ANKRD27: variants seen among roughly 807,000 people sequenced by gnomAD.
ANKRD27 encodes ankyrin repeat domain 27, also known as ankyrin repeat domain-containing protein 27.
ANKRD27 carries 112 observed loss-of-function variants against 129.7 expected under a neutral mutation model. The ratio of observed to expected loss-of-function variants is 0.86; its 90% confidence interval spans 0.74 to 1.01. The LOEUF is 1.01. Among genes scored for constraint, ANKRD27 ranks in the 50% least tolerant of loss-of-function variants. ANKRD27 has a pLI of 0.00. For missense variants in ANKRD27, 1,258 were observed against 1,300.5 expected, an observed-to-expected ratio of 0.97 and a Z score of 0.50; for synonymous variants, 516 against 511.2, an observed-to-expected ratio of 1.01 and a Z score of -0.13.
At position 32,643,192 on chromosome 19, in the gene ANKRD27, G is replaced by T. The variant is rs1306700234; in HGVS notation, c.713C>A (p.Ala238Asp). ...VGTMEASEDA[A>D]FNKITRSLQD... Reference sequence around the variant, plus strand: ...AAGGCTTCTTGTGATTTTGTTAAAGGCCGCATCCTAACAACAGATTTTAAC... The same window carrying T: ...AAGGCTTCTTGTGATTTTGTTAAAGTCCGCATCCTAACAACAGATTTTAAC... The change falls in exon 9 of 29, where the codon GCC becomes GAC. Residue 238 changes from alanine to aspartate, a missense_variant. Ala to Asp is a moderately radical substitution (Grantham distance 126). Transcript: ENST00000306065. 2.5e-6 allele frequency: 4 copies of T among 1,613,930 alleles called. No homozygotes were observed. Among genetic ancestry groups the T allele is most frequent in the African/African-American group, 1.3e-5 (1 of 74,914 alleles).
chr19:32,627,598 A>G (rs1033698301), intron 15 of ANKRD27, among the ~76,000 whole-genome samples: 4 of 151,996 alleles, frequency 2.6e-5, no homozygotes, highest in Non-Finnish European at 4.4e-5. Context: ...GAGTTTCTCC[A>G]TGTCGGCCAG....
At chr19:32,626,064 C>G in intron 16 of ANKRD27, 98 bp from the exon 17 acceptor site, 1 of 856,730 alleles carries the variant, frequency 1.2e-6, no homozygotes, top group Non-Finnish European at 1.7e-6. Context: ...CTCCCATCTT[C>G]GATCTTATTT....
chr19:32,635,663 A>T (rs1250496157), intron 12 of ANKRD27, among the ~76,000 whole-genome samples: 1 of 152,038 alleles, frequency 6.6e-6, no homozygotes, highest in Non-Finnish European at 1.5e-5. Flanking sequence ...AAGGCAGAAG[A>T]AAGAAACTTT....
At chr19:32,673,550 C>A in intron 1 of ANKRD27, 1 of 607,446 alleles carries the variant, frequency 1.6e-6, no homozygotes, top group Non-Finnish European at 2.1e-6. Context: ...GCTTCCTCAC[C>A]CTCTGCTGTC....
intron 17 of ANKRD27, among the ~76,000 whole-genome samples, chr19:32,625,374 T>C (rs1972073022): frequency 6.6e-6 from 1 of 152,030 alleles, no homozygotes; most frequent in Admixed American, 6.6e-5. Context: ...GATAAGATAA[T>C]GAGTGACTTG....
At chr19:32,627,650 G>A (rs1019772000) in intron 15 of ANKRD27, among the ~76,000 whole-genome samples, 2 of 152,028 alleles carry the variant, frequency 1.3e-5, no homozygotes, top group Non-Finnish European at 1.5e-5. Flanking sequence ...TGCCTGCCTC[G>A]GCCTCCCAAA....
At chr19:32,656,611 A>AC (rs34271798) in intron 2 of ANKRD27, among the ~76,000 whole-genome samples, 74,375 of 151,724 alleles carry the variant, frequency 0.49, 21,044 homozygotes, top group Non-Finnish European at 0.65. Context: ...ACATAGTGAG[A>AC]CCCCATCTCT....
intron 4 of ANKRD27, 144 bp downstream of exon 4, chr19:32,646,315 T>C: frequency 1.5e-6 from 1 of 682,594 alleles, no homozygotes; most frequent in East Asian, 2.8e-5. Flanking sequence ...GTGATCCTTG[T>C]GCCTCGGCCT....
At position 32,627,385 on chromosome 19, in the gene ANKRD27, TATTTATTTATTTATTTA is replaced by T. The variant is rs1415617116; in HGVS notation, c.1421-575_1421-559del. The stretch of plus-strand genomic sequence containing the variant: ...TATTTTATTTATTTATTTATTTATT[TATTTATTTATTTATTTA>T]TTTATTTATTTTTTGAGACAGAGTC... On this transcript the variant is annotated intron_variant, in intron 15 of 28. Coordinates refer to ENST00000306065, the MANE Select transcript of ANKRD27 (RefSeq NM_032139.3). Among the ~76,000 whole-genome samples the T allele has an allele frequency of 1.2e-4, 14 of 121,282 alleles. 2 individuals carry two copies. The highest frequency in any genetic ancestry group is 3.1e-4 in the African/African-American group (11 of 35,430). 79.6% of individuals were successfully genotyped at this position (121,282 alleles called of 152,430 possible).
chr19:32,662,629 C>G (rs1015886890), intron 1 of ANKRD27, among the ~76,000 whole-genome samples: 4 of 152,146 alleles, frequency 2.6e-5, no homozygotes, highest in Non-Finnish European at 5.9e-5. Flanking sequence ...GCAGTCCCAA[C>G]TACTCGGGAG....
chr19:32,654,324 C>G (rs919320368), intron 2 of ANKRD27, among the ~76,000 whole-genome samples: 14 of 152,132 alleles, frequency 9.2e-5, no homozygotes, highest in Admixed American at 6.6e-4. Context: ...CATAGTGAGA[C>G]CCCATCTCTA....
At chr19:32,651,519 G>A (rs77495678) in intron 2 of ANKRD27, among the ~76,000 whole-genome samples, 7 of 152,108 alleles carry the variant, frequency 4.6e-5, no homozygotes, top group South Asian at 2.1e-4. Context: ...ACAGGCGTCC[G>A]CCACCACACC....
chr19:32,607,669 G>T lies in ANKRD27; in HGVS notation c.2339C>A (p.Pro780Gln). ...AGARNADQAV[P>Q]LHLACQQGHF... ...GCCCTGCTGGCAGGCCAGGTGGAGC[G>T]GGACGGCTTGGTCTGCGTTCCTGGC... The change falls in exon 23 of 29, where the codon CCG becomes CAG. Residue 780 changes from proline to glutamine, a missense_variant. By Grantham distance (76) the Pro-to-Gln change is moderately conservative (BLOSUM62 -1). Coordinates refer to ENST00000306065, the MANE Select transcript of ANKRD27 (RefSeq NM_032139.3). The T allele has an allele frequency of 6.2e-7, 1 of 1,611,780 alleles. No individual in the cohort carries two copies. Among genetic ancestry groups the T allele is most frequent in the African/African-American group, 1.3e-5 (1 of 75,016 alleles).
At chr19:32,600,075 A>AG in intron 26 of ANKRD27, 25 bp from the exon 27 acceptor site, 1 of 1,450,352 alleles carries the variant, frequency 6.9e-7, no homozygotes, top group Non-Finnish European at 9.7e-7. Flanking sequence ...ATAAACATCT[A>AG]AAAACTTCAA....
At position 32,607,806 on chromosome 19, in the gene ANKRD27, C is replaced by T. The variant is rs1461173552; in HGVS notation, c.2202G>A (p.Gly734=). The change falls in exon 23 of 29, where the codon GGG becomes GGA. Residue 734 remains glycine (G), a synonymous_variant. Transcript: ENST00000306065. Reference sequence around the variant, plus strand: ...CCTGGCTGGTCACGTTCACACCAAGCCCACTGGCAGGAACCTTCGCCAGCC... The same window carrying T: ...CCTGGCTGGTCACGTTCACACCAAGTCCACTGGCAGGAACCTTCGCCAGCC... The part of the protein sequence containing the change: ...QKRLAKVPAS[G]LGVNVTSQDG... 2 of 1,609,100 alleles carry T rather than the reference C, an allele frequency of 1.2e-6. No individual in the cohort carries two copies. The highest frequency in any genetic ancestry group is 1.3e-5 in the African/African-American group (1 of 74,934).
chr19:32,598,208 G>C lies in ANKRD27; in HGVS notation c.3090C>G (p.Ser1030=), dbSNP rs1971598103. ...GGGGGCCAGCAGCCTCCGGGCCCTG[G>C]GACACGACCGCATCCTCTACCGTGT... ...RRHTVEDAVV[S]QGPEAAGPLS... Residue 1030 remains serine, a synonymous_variant, in exon 29 of 29, where the codon TCC becomes TCG. Transcript: ENST00000306065. 1.9e-6 allele frequency: 3 copies of C among 1,614,092 alleles called. No homozygotes were observed. Among genetic ancestry groups the C allele is most frequent in the Non-Finnish European group, 2.5e-6 (3 of 1,180,028 alleles).
rs572564205 is a variant in ANKRD27, at chr19:32,602,660, G to A, written c.2656-534C>T. Among the ~76,000 whole-genome samples the A allele has an allele frequency of 1.6e-4, 25 of 151,854 alleles. No individual in the cohort carries two copies. In the South Asian group the frequency reaches 1.9e-3, roughly 11 times the overall value. ...GTAATCTCAGCACTTTTGAGAGGCC[G>A]AGGCGGGTGGATTGCTTGAGCCCAG... On this transcript the variant is annotated intron_variant, in intron 25 of 28. Transcript: ENST00000306065.
chr19:32,622,369 G>T, intron 18 of ANKRD27, 53 bp downstream of exon 18: 2 of 1,590,616 alleles, frequency 1.3e-6, no homozygotes, highest in South Asian at 1.1e-5. Flanking sequence ...CTAAGCTACG[G>T]ACATCGATCT....
chr19:32,626,790 G>A lies in ANKRD27; in HGVS notation c.1458C>T (p.Gly486=), dbSNP rs201920544. The A allele has an allele frequency of 4.3e-5, 70 of 1,611,978 alleles. No homozygotes were observed. Among genetic ancestry groups the A allele is most frequent in the Admixed American group, 2.0e-4 (12 of 59,724 alleles). The change falls in exon 16 of 29, where the codon GGC becomes GGT. Residue 486 remains glycine, a synonymous_variant. Coordinates refer to ENST00000306065, the MANE Select transcript of ANKRD27 (RefSeq NM_032139.3). ...ASLIDLLVSK[G]AMVNATDYHG... ...GGTAGTCTGTGGCATTTACCATGGC[G>A]CCCTTGGAAACCAGGAGGTCGATGA... is the stretch of plus-strand genomic sequence containing the variant.
Sources: gnomAD v4.1 joint callset for allele counts (sites outside exome capture counted in the v4.1 genomes callset) on GRCh38, gnomAD v4.1.1 for gene constraint, MANE v1.5 for transcripts, NCBI Gene and HGNC (gene_info 2026-07-23, HGNC 2026-07-21) for gene names.